ZNF547: variants seen among roughly 807,000 people sequenced by gnomAD.
ZNF547 encodes zinc finger protein 547.
ZNF547 carries 4 observed loss-of-function variants against 7.7 expected under a neutral mutation model. The ratio of observed to expected loss-of-function variants is 0.52; its 90% CI spans 0.26 to 1.20. The LOEUF (loss-of-function observed/expected upper bound fraction) is 1.20, where lower values mean the gene tolerates loss of function less well. Ranked by LOEUF, ZNF547 falls within the 50% of genes most tolerant of loss-of-function variation. The probability of loss-of-function intolerance (pLI) is 0.14; values close to 1 mark genes in which losing one functional copy is unlikely to be tolerated. For synonymous variants in ZNF547, 166 were observed against 166.2 expected (o/e 1.00, Z 0.01); for missense variants, 449 against 485.8 (o/e 0.92, Z 0.71).
intron 2 of ZNF547, among the ~76,000 whole-genome samples, chr19:57,370,244 C>G (rs558195423): frequency 1.3e-5 from 2 of 152,274 alleles, no homozygotes; most frequent in East Asian, 3.9e-4. Context: ...AGGAAACTTA[C>G]AATCCTGTGT....
Position 57,378,445 on chromosome 19 carries a change from G to A in ZNF547, c.*260G>A. The stretch of plus-strand genomic sequence containing the variant: ...ACTGAAGAAGAGTCTTTTCAATAAA[G>A]TAGAAAGTGGTAAAGATTCAACATG... On this transcript the variant is annotated 3_prime_UTR_variant, in exon 4 of 4. Coordinates refer to ENST00000282282, the MANE Select transcript of ZNF547 (RefSeq NM_173631.4). 1.6e-6 allele frequency: 1 copy of A among 639,928 alleles called. No homozygotes were observed. The highest frequency in any genetic ancestry group is 2.0e-5 in the Admixed American group (1 of 49,128). 39.6% of individuals were successfully genotyped at this position (639,928 alleles called of 1,614,324 possible).
chr19:57,367,011 G>C (rs1296655367), intron 1 of ZNF547, among the ~76,000 whole-genome samples: 1 of 152,202 alleles, frequency 6.6e-6, no homozygotes, highest in African/African-American at 2.4e-5. Context: ...GCTGGGAGCA[G>C]TTCCAGGCCA....
chr19:57,369,908 T>TTTTTTTTTTTTTG, intron 2 of ZNF547, among the ~76,000 whole-genome samples: 1 of 122,450 alleles, frequency 8.2e-6, no homozygotes, highest in Non-Finnish European at 1.7e-5. Context: ...TCTTTTTTTT[T>TTTTTTTTTTTTTG]TTTTTTTTTT....
rs1209845285 is a variant in ZNF547, at chr19:57,378,053, G to A, written c.1077G>A (p.Lys359=). Residue 359 remains lysine, a synonymous_variant, in exon 4 of 4, where the codon AAG becomes AAA. Coordinates refer to ENST00000282282, the MANE Select transcript of ZNF547 (RefSeq NM_173631.4). ...ERPYECSECG[K]AFLTKSHLIC... is the part of the protein sequence containing the mutation. ...CTTATGAATGCAGTGAGTGTGGGAA[G>A]GCCTTCCTTACAAAGTCCCACCTCA... is the stretch of plus-strand genomic sequence containing the variant. 3 of 1,613,998 alleles carry A rather than the reference G, an allele frequency of 1.9e-6. No homozygotes were observed. In the East Asian group the frequency reaches 6.7e-5, roughly 36 times the overall value.
chr19:57,371,644 G>A (rs967353250), intron 2 of ZNF547, 138 bp from the exon 3 acceptor site: 1 of 1,306,042 alleles, frequency 7.7e-7, no homozygotes, highest in Non-Finnish European at 1.1e-6. Context: ...CAGGATGGTA[G>A]GGGAGATGGA....
rs2123025238 is a variant in ZNF547 at position 57,378,323 on chromosome 19, A to G, written c.*138A>G. The G allele has an allele frequency of 2.5e-6, 2 of 812,232 alleles. No homozygotes were observed. The highest frequency in any genetic ancestry group is 2.0e-6 in the Non-Finnish European group (1 of 496,734). The allele number at this position is 812,232 out of a possible 1,614,324, so 50.3% of individuals were successfully genotyped here. A position where few individuals can be genotyped will look rare whatever the true frequency, so the allele number is the denominator to read the frequency against. ...ATGTAGGTACAGCTCTCCAGTCGCT[A>G]TGTATCAGAGAATTCACACTGCAGA... On this transcript the variant is annotated 3_prime_UTR_variant, in exon 4 of 4. Transcript: ENST00000282282.
intron 3 of ZNF547, among the ~76,000 whole-genome samples, chr19:57,374,658 T>C (rs1410745199): frequency 6.6e-6 from 1 of 152,250 alleles, no homozygotes; most frequent in Non-Finnish European, 1.5e-5. Context: ...CACTTAGACA[T>C]TTCTTCTGCC....
At chr19:57,367,649 G>A (rs2088479204) in intron 1 of ZNF547, among the ~76,000 whole-genome samples, 1 of 152,190 alleles carries the variant, frequency 6.6e-6, no homozygotes, top group Non-Finnish European at 1.5e-5. Flanking sequence ...CCTAGAAAAA[G>A]GGAGGCGTGG....
At chr19:57,364,695 C>G (rs2088450231) in intron 1 of ZNF547, 1 of 709,158 alleles carries the variant, frequency 1.4e-6, no homozygotes, top group Admixed American at 2.4e-5. Flanking sequence ...GAGCCAAGAT[C>G]GCGCCATTGC....
chr19:57,371,948 G>C (rs747777263), intron 3 of ZNF547, 40 bp downstream of exon 3: 2 of 1,530,886 alleles, frequency 1.3e-6, no homozygotes, highest in Non-Finnish European at 1.8e-6. Flanking sequence ...GGGTTGGGCT[G>C]TGTTGTCTCC....
intron 3 of ZNF547, 133 bp from the exon 4 acceptor site, chr19:57,376,995 C>T: frequency 1.1e-6 from 1 of 892,192 alleles, no homozygotes; most frequent in Non-Finnish European, 1.7e-6. Flanking sequence ...ACCTGGCCTG[C>T]CACAGTACCA....
intron 3 of ZNF547, among the ~76,000 whole-genome samples, chr19:57,374,070 GT>G (rs113796041): frequency 0.048 from 7,322 of 152,260 alleles, 550 homozygotes; most frequent in African/African-American, 0.17. Flanking sequence ...TTCTCCGTGA[GT>G]TCCACCCCTG....
intron 2 of ZNF547, among the ~76,000 whole-genome samples, chr19:57,370,440 G>T (rs900513545): frequency 1.3e-5 from 2 of 152,222 alleles, no homozygotes; most frequent in African/African-American, 4.8e-5. Context: ...CGTATTTGCC[G>T]TGCACCACCT....
chr19:57,367,822 C>G (rs2088480267), intron 1 of ZNF547, among the ~76,000 whole-genome samples: 1 of 152,170 alleles, frequency 6.6e-6, no homozygotes, highest in South Asian at 2.1e-4. Flanking sequence ...CTGCTTTTTC[C>G]CCTTCTCCAC....
At chr19:57,373,856 A>AC (rs34004618) in intron 3 of ZNF547, among the ~76,000 whole-genome samples, 10 of 151,416 alleles carry the variant, frequency 6.6e-5, no homozygotes, top group Admixed American at 1.3e-4. Flanking sequence ...CAGGGTACAG[A>AC]CCCCCCCTCA....
chr19:57,374,717 G>A (rs1047001425), intron 3 of ZNF547, among the ~76,000 whole-genome samples: 13 of 152,190 alleles, frequency 8.5e-5, no homozygotes, highest in African/African-American at 3.1e-4. Context: ...CAGATATGTA[G>A]GGCAGGGGCA....
chr19:57,377,021 ACCAATT>A, intron 3 of ZNF547, 101 bp from the exon 4 acceptor site: 1 of 1,186,610 alleles, frequency 8.4e-7, no homozygotes, highest in Non-Finnish European at 1.2e-6. Flanking sequence ...CATGCCTGTC[ACCAATT>A]CCATGATCAT....
At position 57,371,858 on chromosome 19, in the gene ZNF547, T is replaced by G. The variant is rs1357569311; in HGVS notation, c.101T>G (p.Leu34Trp). The G allele has an allele frequency of 6.2e-7, 1 of 1,613,738 alleles. No individual in the cohort carries two copies. Among genetic ancestry groups the G allele is most frequent in the East Asian group, 2.2e-5 (1 of 44,898 alleles). The stretch of plus-strand genomic sequence containing the variant: ...GGGCATCTCGATGAGGCTCAGAGAT[T>G]GCTGTACCGTGATGTGATGCTGGAG... ...EWGHLDEAQR[L>W]LYRDVMLENL... Residue 34 changes from leucine to tryptophan, a missense_variant, in exon 3 of 4, where the codon TTG becomes TGG. By Grantham distance (61) the Leu-to-Trp change is moderately conservative. Transcript: ENST00000282282.
chr19:57,377,081 G>A (rs761092222), intron 3 of ZNF547, 47 bp from the exon 4 acceptor site: 16 of 1,551,628 alleles, frequency 1.0e-5, no homozygotes, highest in African/African-American at 9.5e-5. Context: ...GGTTGCCTCC[G>A]CTCATCACAG....
Sources: allele counts gnomAD v4.1 joint callset (sites outside exome capture counted in the v4.1 genomes callset), GRCh38; gene constraint gnomAD v4.1.1; transcripts MANE v1.5; gene names NCBI Gene and HGNC (gene_info 2026-07-23, HGNC 2026-07-21).